KCNIP1: variants seen among roughly 807,000 people sequenced by gnomAD.
KCNIP1 encodes the protein A-type potassium channel modulatory protein KCNIP1.
In KCNIP1, 18 loss-of-function variants were observed where a neutral mutation model predicts 33.0. The ratio of observed to expected loss-of-function variants is 0.55; its 90% confidence interval spans 0.38 to 0.81. KCNIP1 has a LOEUF of 0.81. KCNIP1 is among the 30% of genes least tolerant of loss of function. The pLI is 0.00. For missense variants in KCNIP1, 238 were observed against 271.6 expected (o/e 0.88, Z 0.87); for synonymous variants, 93 against 98.3 (o/e 0.95, Z 0.32).
intron 1 of KCNIP1, among the ~76,000 whole-genome samples, chr5:170,427,850 A>T (rs979414189): frequency 6.6e-6 from 1 of 152,208 alleles, no homozygotes; most frequent in Non-Finnish European, 1.5e-5. Context: ...GCAGCATCTG[A>T]GTCCAACCCC....
At chr5:170,628,234 C>T (rs1198415227) in intron 1 of KCNIP1, among the ~76,000 whole-genome samples, 1 of 152,166 alleles carries the variant, frequency 6.6e-6, no homozygotes, top group East Asian at 1.9e-4. Context: ...TTTTCCCCGC[C>T]CTTCTCCCAG....
At chr5:170,436,995 C>A (rs1428777672) in intron 1 of KCNIP1, among the ~76,000 whole-genome samples, 2 of 152,126 alleles carry the variant, frequency 1.3e-5, no homozygotes, top group East Asian at 3.8e-4. Flanking sequence ...GACATGGGAG[C>A]CTTGAGAAAT....
At position 170,445,978 on chromosome 5, in the gene KCNIP1, G is replaced by A. The variant is rs555037212; in HGVS notation, c.88+92014G>A. On this transcript the variant is annotated intron_variant, in intron 1 of 7. Coordinates refer to the KCNIP1 transcript ENST00000377360. ...GCTAAGACAAGGGAAATTGCCACAT[G>A]GCTCTCTGTTTCATTCAGTCCTTCA... Among the ~76,000 whole-genome samples the A allele has an allele frequency of 7.2e-5, 11 of 152,332 alleles. No individual in the cohort carries two copies. The South Asian group carries it at 1.4e-3, about 20-fold the overall frequency.
chr5:170,378,658 C>A, intron 1 of KCNIP1: 1 of 1,545,718 alleles, frequency 6.5e-7, no homozygotes. Flanking sequence ...GGGGGCCCAG[C>A]CAGTCCCCTG....
intron 1 of KCNIP1, among the ~76,000 whole-genome samples, chr5:170,679,724 T>G (rs961910870): frequency 5.0e-5 from 7 of 140,876 alleles, no homozygotes; most frequent in Non-Finnish European, 7.6e-5. Flanking sequence ...ACTTAGGGTG[T>G]TTTTTTTTTC....
chr5:170,680,197 C>A (rs1380139986), intron 1 of KCNIP1, among the ~76,000 whole-genome samples: 1 of 152,032 alleles, frequency 6.6e-6, no homozygotes. Context: ...AGGAACTTGC[C>A]CAAGGACAGG....
chr5:170,497,361 C>A (rs1204610630), intron 1 of KCNIP1, among the ~76,000 whole-genome samples: 1 of 152,136 alleles, frequency 6.6e-6, no homozygotes, highest in Non-Finnish European at 1.5e-5. Context: ...GATGTTGAAA[C>A]TGAGGATCAG....
chr5:170,735,864 A>G lies in KCNIP1; in HGVS notation c.*58A>G. On this transcript the variant is annotated 3_prime_UTR_variant, in exon 8 of 8. Coordinates refer to ENST00000328939, the MANE Select transcript of KCNIP1 (RefSeq NM_014592.4). ...CATTGTACTAAACAACCACCTTAAC[A>G]CCCTGATCTGCCCTTGTTCTGATTT... The G allele has an allele frequency of 7.1e-7, 1 of 1,415,744 alleles. No individual in the cohort carries two copies. The highest frequency in any genetic ancestry group is 1.4e-5 in the African/African-American group (1 of 70,896). 87.7% of individuals were successfully genotyped at this position (1,415,744 alleles called of 1,614,324 possible).
chr5:170,624,740 GA>G (rs1759755460), intron 1 of KCNIP1, among the ~76,000 whole-genome samples: 74 of 95,856 alleles, frequency 7.7e-4, no homozygotes, highest in Admixed American at 1.2e-3. Flanking sequence ...GGTGGGGGGG[GA>G]GAGGGGAGGG....
chr5:170,713,645 A>G (rs1237576076), intron 1 of KCNIP1, among the ~76,000 whole-genome samples: 2 of 152,360 alleles, frequency 1.3e-5, no homozygotes, highest in South Asian at 2.1e-4. Context: ...TAATTCCAAA[A>G]TAATTAAGAT....
At chr5:170,719,560 A>G (rs1262606701) in intron 2 of KCNIP1, among the ~76,000 whole-genome samples, 1 of 152,004 alleles carries the variant, frequency 6.6e-6, no homozygotes, top group Admixed American at 6.6e-5. Flanking sequence ...AGTGGTGTGG[A>G]GTGGGGTGGG....
intron 5 of KCNIP1, among the ~76,000 whole-genome samples, chr5:170,731,262 C>A (rs6887850): frequency 0.75 from 114,030 of 152,076 alleles, 42,841 homozygotes; most frequent in East Asian, 0.86. Flanking sequence ...GAAGGTTATA[C>A]CATCACTTCT....
chr5:170,621,666 G>A (rs990481741), intron 1 of KCNIP1, among the ~76,000 whole-genome samples: 1 of 152,062 alleles, frequency 6.6e-6, no homozygotes, highest in Non-Finnish European at 1.5e-5. Context: ...ATGCCACCAC[G>A]CCTAGCTAAT....
chr5:170,615,618 A>G (rs1759336201), intron 1 of KCNIP1, among the ~76,000 whole-genome samples: 1 of 152,154 alleles, frequency 6.6e-6, no homozygotes, highest in Non-Finnish European at 1.5e-5. Context: ...GGCAAAGGGC[A>G]AGGAAGACTC....
intron 1 of KCNIP1, among the ~76,000 whole-genome samples, chr5:170,498,656 C>T (rs1347993302): frequency 1.3e-5 from 2 of 152,126 alleles, no homozygotes; most frequent in African/African-American, 2.4e-5. Context: ...TTTAGAATAG[C>T]GCCTGGCAGG....
chr5:170,641,803 C>T (rs560977075), intron 1 of KCNIP1, among the ~76,000 whole-genome samples: 3 of 152,292 alleles, frequency 2.0e-5, no homozygotes, highest in African/African-American at 7.2e-5. Flanking sequence ...CTGGCAGCTT[C>T]GAATGGCTGA....
intron 1 of KCNIP1, among the ~76,000 whole-genome samples, chr5:170,397,789 G>A (rs1754799681): frequency 6.6e-6 from 1 of 152,178 alleles, no homozygotes; most frequent in Non-Finnish European, 1.5e-5. Flanking sequence ...GCCCAAGGTG[G>A]TCAGGGCACA....
chr5:170,637,718 C>T (rs1343743173), intron 1 of KCNIP1, among the ~76,000 whole-genome samples: 1 of 152,114 alleles, frequency 6.6e-6, no homozygotes, highest in East Asian at 1.9e-4. Flanking sequence ...CCTCTCCTTC[C>T]CTGCCCTCCT....
At chr5:170,543,674 A>G (rs140543958) in intron 1 of KCNIP1, among the ~76,000 whole-genome samples, 234 of 152,352 alleles carry the variant, frequency 1.5e-3, no homozygotes, top group Non-Finnish European at 2.4e-3. Flanking sequence ...AATCGTTAGA[A>G]GATAACATTT....
Sources: gnomAD v4.1 joint callset for allele counts (sites outside exome capture counted in the v4.1 genomes callset) on GRCh38, gnomAD v4.1.1 for gene constraint, MANE v1.5 for transcripts, NCBI Gene and HGNC (gene_info 2026-07-23, HGNC 2026-07-21) for gene names.